The following PAG1 variants were observed in gnomAD, a reference collection of about 807,000 sequenced individuals.
The protein encoded by PAG1 is phosphoprotein membrane anchor with glycosphingolipid microdomains 1, also known as phosphoprotein associated with glycosphingolipid-enriched microdomains 1.
In PAG1, 23 loss-of-function variants were observed where a neutral mutation model predicts 31.7. The ratio of observed to expected loss-of-function variants is 0.73; its 90% confidence interval spans 0.52 to 1.03. The LOEUF is 1.03. Among genes scored for constraint, PAG1 ranks in the 50% least tolerant of loss-of-function variants. PAG1 has a pLI of 0.00. For missense variants in PAG1, 473 were observed against 540.7 expected (o/e 0.87, Z 1.24); for synonymous variants, 214 against 210.3 (o/e 1.02, Z -0.15).
chr8:81,026,384 T>G (rs952117371), intron 3 of PAG1, among the ~76,000 whole-genome samples: 1 of 147,902 alleles, frequency 6.8e-6, no homozygotes, highest in Non-Finnish European at 1.5e-5. Flanking sequence ...AATAAAAGAG[T>G]GTCAGTAAGT....
rs1483761203 is a variant in PAG1 at position 80,990,771 on chromosome 8, C to T, written c.177+708G>A. 6.6e-6 allele frequency among the ~76,000 whole-genome samples: 1 copy of T among 152,160 alleles called. No homozygotes were observed. The highest frequency in any genetic ancestry group is 1.5e-5 in the Non-Finnish European group (1 of 68,024). On this transcript the variant is annotated intron_variant, in intron 5 of 8. Transcript: ENST00000220597. This position sits in a 1 kb window ranked among gnomAD's most constrained non-coding sequence, Gnocchi z 5.1. ...GGTGTTGTGGGTCCCAAGCTCCCTCCAGCTTAATGACCTGTTGTTATGGGT... is the reference window on the plus strand; with the variant it reads ...GGTGTTGTGGGTCCCAAGCTCCCTCTAGCTTAATGACCTGTTGTTATGGGT...
intron 1 of PAG1, among the ~76,000 whole-genome samples, chr8:81,072,317 T>C (rs1459367676): frequency 3.3e-5 from 5 of 152,154 alleles, no homozygotes; most frequent in African/African-American, 9.7e-5. Context: ...TAGAGTCCAA[T>C]GAGGAAATAA....
intron 1 of PAG1, among the ~76,000 whole-genome samples, chr8:81,108,733 C>T (rs1238935719): frequency 6.6e-6 from 1 of 152,140 alleles, no homozygotes; most frequent in Non-Finnish European, 1.5e-5. Context: ...GTCTAACAAG[C>T]TATGGAAACC....
chr8:81,050,881 C>T (rs1808717385), intron 2 of PAG1, among the ~76,000 whole-genome samples: 1 of 152,206 alleles, frequency 6.6e-6, no homozygotes, highest in Non-Finnish European at 1.5e-5. Context: ...AAACTCACTG[C>T]CTTCAGCCTC....
At chr8:81,096,675 G>A (rs201861502) in intron 1 of PAG1, among the ~76,000 whole-genome samples, 6 of 152,170 alleles carry the variant, frequency 3.9e-5, no homozygotes, top group Admixed American at 1.3e-4. Flanking sequence ...GCAGATGAGC[G>A]GGGAGGGTGC....
At chr8:81,087,201 G>A (rs1809373586) in intron 1 of PAG1, among the ~76,000 whole-genome samples, 1 of 152,086 alleles carries the variant, frequency 6.6e-6, no homozygotes, top group Non-Finnish European at 1.5e-5. Context: ...AAATTAGCTG[G>A]GCTTGGTGGC....
chr8:80,980,312 C>T (rs1235762095), intron 8 of PAG1, 123 bp downstream of exon 8: 1 of 627,918 alleles, frequency 1.6e-6, no homozygotes, highest in African/African-American at 1.8e-5. Context: ...TCTTCATCTC[C>T]AAACATAGGC....
chr8:81,102,541 T>A (rs578097982), intron 1 of PAG1, among the ~76,000 whole-genome samples: 1 of 152,312 alleles, frequency 6.6e-6, no homozygotes, highest in South Asian at 2.1e-4. Context: ...GAAATTGCAA[T>A]TTAGTAAGCC....
chr8:81,105,655 T>C (rs1202434230), intron 1 of PAG1, among the ~76,000 whole-genome samples: 2 of 152,164 alleles, frequency 1.3e-5, no homozygotes, highest in Non-Finnish European at 2.9e-5. Context: ...AGTTTCCCAA[T>C]AGTTTCATCA....
intron 3 of PAG1, among the ~76,000 whole-genome samples, chr8:81,012,864 C>T (rs1346899162): frequency 1.3e-5 from 2 of 152,158 alleles, no homozygotes; most frequent in East Asian, 1.9e-4. Flanking sequence ...AACGATAATG[C>T]AAACTCGCAT....
intron 3 of PAG1, among the ~76,000 whole-genome samples, chr8:81,019,969 T>G (rs1414357238): frequency 1.3e-5 from 2 of 152,188 alleles, no homozygotes; most frequent in African/African-American, 2.4e-5. Flanking sequence ...GGAGCCCACC[T>G]CTTATATCAG....
rs760891273 is a variant in PAG1 at position 80,984,897 on chromosome 8, G to A, written c.755C>T (p.Pro252Leu). 1 of 1,614,098 alleles carries A rather than the reference G, an allele frequency of 6.2e-7. No individual in the cohort carries two copies. The highest frequency in any genetic ancestry group is 1.1e-5 in the South Asian group (1 of 91,072). The change falls in exon 7 of 9, where the codon CCA becomes CTA. Residue 252 changes from proline to leucine, a missense_variant. Coordinates refer to ENST00000220597, the MANE Select transcript of PAG1 (RefSeq NM_018440.4). Reference protein sequence around the residue: ...VESILGNSCDPEEEAPPPVPV... With the variant: ...VESILGNSCDLEEEAPPPVPV... ...GACAGGTGGTGGGGCCTCCTCTTCT[G>A]GATCACATGAATTTCCAAGGATACT... is the stretch of plus-strand genomic sequence containing the variant.
At chr8:80,988,930 C>T (rs770064231) in intron 5 of PAG1, among the ~76,000 whole-genome samples, 1 of 152,142 alleles carries the variant, frequency 6.6e-6, no homozygotes, top group Non-Finnish European at 1.5e-5. Context: ...TCTTTAAATA[C>T]CCAACTTGTC....
In PAG1 at chr8:80,990,764, C is replaced by T. The variant is rs1005665626; in HGVS notation, c.177+715G>A. Among the ~76,000 whole-genome samples the T allele has an allele frequency of 6.6e-6, 1 of 152,134 alleles. No individual in the cohort carries two copies. Among genetic ancestry groups the T allele is most frequent in the African/African-American group, 2.4e-5 (1 of 41,422 alleles). The stretch of plus-strand genomic sequence containing the variant: ...TACCTAGGGTGTTGTGGGTCCCAAG[C>T]TCCCTCCAGCTTAATGACCTGTTGT... On this transcript the variant is annotated intron_variant, in intron 5 of 8. Transcript: ENST00000220597. This position sits in a 1 kb window ranked among gnomAD's most constrained non-coding sequence, Gnocchi z 5.1.
Position 80,987,338 on chromosome 8 carries a change from G to C in PAG1, c.274+32C>G, listed in dbSNP as rs541778969. The stretch of plus-strand genomic sequence containing the variant: ...AGGACTTCCAGAGGTGATGAGGCCT[G>C]TGTGGAAAGCTGGTGTTTTTGCAGA... On this transcript the variant is annotated intron_variant, in intron 6 of 8. Transcript: ENST00000220597. 3.0e-6 allele frequency: 4 copies of C among 1,345,138 alleles called. No individual in the cohort carries two copies. In the Admixed American group the frequency reaches 5.0e-5, roughly 17 times the overall value. 83.3% of individuals were successfully genotyped at this position (1,345,138 alleles called of 1,614,324 possible). A position where few individuals can be genotyped will look rare whatever the true frequency, so the allele number is the denominator to read the frequency against.
At chr8:81,014,665 G>A (rs757454710) in intron 3 of PAG1, among the ~76,000 whole-genome samples, 2 of 152,142 alleles carry the variant, frequency 1.3e-5, no homozygotes, top group African/African-American at 2.4e-5. Context: ...GTCTTTGTAC[G>A]ACCATTATTA....
intron 1 of PAG1, among the ~76,000 whole-genome samples, chr8:81,082,249 T>A: frequency 1.9e-5 from 2 of 103,786 alleles, no homozygotes; most frequent in East Asian, 2.5e-4. Flanking sequence ...TGAGACTCTG[T>A]CTCAAAAAAA....
intron 2 of PAG1, among the ~76,000 whole-genome samples, chr8:81,062,087 C>A (rs751481883): frequency 2.6e-5 from 4 of 152,162 alleles, no homozygotes; most frequent in Non-Finnish European, 5.9e-5. Context: ...TACAATCCAG[C>A]CACTCTTGAC....
intron 3 of PAG1, among the ~76,000 whole-genome samples, chr8:81,023,078 A>G (rs1808216752): frequency 6.6e-6 from 1 of 152,132 alleles, no homozygotes; most frequent in South Asian, 2.1e-4. Context: ...AGATATTTTA[A>G]TTATTTTAAA....
Sources: allele counts gnomAD v4.1 joint callset (sites outside exome capture counted in the v4.1 genomes callset), GRCh38; gene constraint gnomAD v4.1.1; non-coding constraint Gnocchi (gnomAD v3.1); transcripts MANE v1.5; gene names NCBI Gene and HGNC (gene_info 2026-07-23, HGNC 2026-07-21).